TJAP1: variants seen among roughly 807,000 people sequenced by gnomAD.
The protein encoded by TJAP1 is tight junction-associated protein 1.
TJAP1 carries 27 observed loss-of-function variants against 42.0 expected under a neutral mutation model. The observed-to-expected ratio is 0.64, with a 90% CI of 0.47 to 0.89. The LOEUF is 0.89. Ranked by LOEUF, TJAP1 falls within the 40% of genes least tolerant of loss-of-function variation. TJAP1 has a pLI of 0.00. For synonymous variants in TJAP1, 257 were observed against 288.4 expected (o/e 0.89, Z 1.10); for missense variants, 712 against 726.9 (o/e 0.98, Z 0.24).
At chr6:43,494,753 TG>T (rs1788736168) in intron 2 of TJAP1, among the ~76,000 whole-genome samples, 1 of 151,942 alleles carries the variant, frequency 6.6e-6, no homozygotes, top group African/African-American at 2.4e-5. Context: ...GTTCAATTTT[TG>T]TAGAGACAGG....
At chr6:43,494,524 C>T (rs1157401885) in intron 2 of TJAP1, among the ~76,000 whole-genome samples, 1 of 141,666 alleles carries the variant, frequency 7.1e-6, no homozygotes, top group African/African-American at 2.6e-5. Context: ...CATAGCTGTT[C>T]TTACAGAACA....
rs1310605366 is a variant in TJAP1, at chr6:43,502,589, CCT to C, written c.364_365del (p.Leu122Ter). The C allele has an allele frequency of 3.9e-6, 6 of 1,551,672 alleles. No homozygotes were observed. Among genetic ancestry groups the C allele is most frequent in the East Asian group, 2.4e-5 (1 of 40,942 alleles). On this transcript the variant is annotated frameshift_variant and splice_region_variant, in exon 8 of 11. Transcript: ENST00000372449. LOFTEE classifies it high-confidence loss of function. ...GTTGCTGCTGCACTCTCCTCTCAGGCCTCTCTTAGCCACAGCTGGATTTTTGC... is the reference window on the plus strand; with the variant it reads ...GTTGCTGCTGCACTCTCCTCTCAGGCCTCTTAGCCACAGCTGGATTTTTGC...
intron 2 of TJAP1, among the ~76,000 whole-genome samples, chr6:43,481,810 TCTC>T (rs1035662057): frequency 6.6e-6 from 1 of 152,108 alleles, no homozygotes; most frequent in African/African-American, 2.4e-5. Context: ...TAAGACTCAC[TCTC>T]CTCCTCCTTC....
intron 10 of TJAP1, chr6:43,504,291 C>T (rs943688573): frequency 9.0e-6 from 2 of 222,236 alleles, no homozygotes; most frequent in South Asian, 6.8e-5. Context: ...ATTTTTTTGT[C>T]TTTTTAGTAG....
rs1235510973 is a variant in TJAP1, at chr6:43,491,890, G to A, written c.-121-5991G>A. 6.6e-6 allele frequency among the ~76,000 whole-genome samples: 1 copy of A among 152,214 alleles called. No homozygotes were observed. The highest frequency in any genetic ancestry group is 1.5e-5 in the Non-Finnish European group (1 of 68,034). Reference sequence around the variant, plus strand: ...GAGATGTTTAGGGACCCCAAATGGGGAGTTAACAAGCTGGAGGCTTTCTTG... The same window carrying A: ...GAGATGTTTAGGGACCCCAAATGGGAAGTTAACAAGCTGGAGGCTTTCTTG... On this transcript the variant is annotated intron_variant, in intron 2 of 10. Transcript: ENST00000372449. This position sits in a 1 kb window ranked among gnomAD's most constrained non-coding sequence, Gnocchi z 4.6.
Position 43,491,908 on chromosome 6 carries a change from C to T in TJAP1, c.-121-5973C>T, listed in dbSNP as rs2127546286. Among the ~76,000 whole-genome samples the T allele has an allele frequency of 6.6e-6, 1 of 152,246 alleles. No individual in the cohort carries two copies. The highest frequency in any genetic ancestry group is 1.9e-4 in the East Asian group (1 of 5,184). On this transcript the variant is annotated intron_variant, in intron 2 of 10. Coordinates refer to ENST00000372449, the Ensembl canonical transcript of TJAP1. This position sits in a 1 kb window ranked among gnomAD's most constrained non-coding sequence, Gnocchi z 4.6. ...AAATGGGGAGTTAACAAGCTGGAGG[C>T]TTTCTTGACTTGGCTCTGACCAGGA...
intron 5 of TJAP1, 152 bp downstream of exon 5, chr6:43,500,924 G>A (rs1790379575): frequency 3.6e-6 from 3 of 834,790 alleles, no homozygotes; most frequent in Non-Finnish European, 5.9e-6. Flanking sequence ...GAGTGTTGAT[G>A]TTGTGGATAT....
At chr6:43,502,210 A>G (rs1468304332) in intron 6 of TJAP1, 73 bp from the exon 7 acceptor site, 22 of 1,502,798 alleles carry the variant, frequency 1.5e-5, no homozygotes, top group South Asian at 1.1e-4. Flanking sequence ...AAGATCCCCT[A>G]TCGGGGAGGC....
chr6:43,504,704 T>G (rs1415388495), intron 10 of TJAP1, 57 bp from the exon 11 acceptor site: 1 of 1,573,504 alleles, frequency 6.4e-7, no homozygotes, highest in Non-Finnish European at 8.6e-7. Flanking sequence ...TCGCCATGAG[T>G]CAAGTTATCT....
At chr6:43,498,727 C>T (rs1789818417) in intron 3 of TJAP1, among the ~76,000 whole-genome samples, 1 of 152,166 alleles carries the variant, frequency 6.6e-6, no homozygotes, top group Admixed American at 6.5e-5. Flanking sequence ...CCTAGGTGTT[C>T]AGGCCCTAGG....
intron 2 of TJAP1, among the ~76,000 whole-genome samples, chr6:43,478,987 T>G (rs1000412669): frequency 6.6e-6 from 1 of 152,196 alleles, no homozygotes; most frequent in Non-Finnish European, 1.5e-5. Context: ...TCTGGTAGTT[T>G]TTTTCTCTCC....
chr6:43,481,663 C>T (rs945507313), intron 2 of TJAP1, among the ~76,000 whole-genome samples: 1 of 151,928 alleles, frequency 6.6e-6, no homozygotes, highest in Non-Finnish European at 1.5e-5. Context: ...AAATGTGCTG[C>T]TGAAGCCTAT....
In TJAP1 at chr6:43,505,755, CCA is replaced by C; in HGVS notation, c.1575_1576del (p.Arg527ProfsTer244). 6.6e-7 allele frequency: 1 copy of C among 1,521,842 alleles called. No individual in the cohort carries two copies. The highest frequency in any genetic ancestry group is 8.8e-7 in the Non-Finnish European group (1 of 1,139,346). The allele number at this position is 1,521,842 out of a possible 1,614,324, so 94.3% of individuals were successfully genotyped here. ...GGCAGGGCCTGGCCACTCCCCAGCT[CCA>C]GTCGCCCCCAGCGCAGCCCCAAGAG... On this transcript the variant is annotated frameshift_variant, in exon 11 of 11. Transcript: ENST00000372449. LOFTEE classifies it high-confidence loss of function. The surrounding 1 kb of genome is among the most constrained non-coding windows in gnomAD (Gnocchi z 5.5).
In TJAP1 at chr6:43,505,639, G is replaced by A. The variant is rs780177703; in HGVS notation, c.1458G>A (p.Leu486=). ...GCTTTCCCAGGGAGGAAGAAGAGCT[G>A]AACCTGCCTATCAGTCCTGAGGAAG... The change falls in exon 11 of 11, where the codon CTG becomes CTA. Residue 486 remains leucine (L), a synonymous_variant. Coordinates refer to ENST00000372449, the Ensembl canonical transcript of TJAP1. This position sits in a 1 kb window ranked among gnomAD's most constrained non-coding sequence, Gnocchi z 5.5. The A allele has an allele frequency of 4.3e-5, 69 of 1,613,088 alleles. No individual in the cohort carries two copies. Among genetic ancestry groups the A allele is most frequent in the Non-Finnish European group, 5.6e-5 (66 of 1,179,998 alleles).
chr6:43,480,475 G>A (rs148121464), intron 2 of TJAP1, among the ~76,000 whole-genome samples: 6 of 152,288 alleles, frequency 3.9e-5, no homozygotes, highest in Non-Finnish European at 5.9e-5. Flanking sequence ...CATTCTGTGC[G>A]TAGGACTGTT....
At chr6:43,490,236 C>T (rs76678070) in intron 2 of TJAP1, among the ~76,000 whole-genome samples, 1 of 152,242 alleles carries the variant, frequency 6.6e-6, no homozygotes, top group Non-Finnish European at 1.5e-5. Flanking sequence ...GCCACCTGCC[C>T]ATCACCAGCC....
chr6:43,486,069 T>G (rs770282108), intron 2 of TJAP1, among the ~76,000 whole-genome samples: 1 of 151,536 alleles, frequency 6.6e-6, no homozygotes, highest in Non-Finnish European at 1.5e-5. Flanking sequence ...CCTCCTGGGT[T>G]CAAGCAATGC....
At chr6:43,490,507 T>C (rs1787571930) in intron 2 of TJAP1, among the ~76,000 whole-genome samples, 1 of 152,198 alleles carries the variant, frequency 6.6e-6, no homozygotes, top group South Asian at 2.1e-4. Context: ...TTGGATAGTG[T>C]CCCTGTTACT....
intron 2 of TJAP1, among the ~76,000 whole-genome samples, chr6:43,493,763 A>G (rs1788340503): frequency 1.3e-5 from 2 of 152,050 alleles, no homozygotes; most frequent in African/African-American, 4.8e-5. Context: ...AAGATAGTAT[A>G]TTGGGGAGCA....
Sources: gnomAD v4.1 joint callset for allele counts (sites outside exome capture counted in the v4.1 genomes callset) on GRCh38, gnomAD v4.1.1 for gene constraint, Gnocchi (gnomAD v3.1) non-coding constraint, MANE v1.5 for transcripts, NCBI Gene and HGNC (gene_info 2026-07-23, HGNC 2026-07-21) for gene names.